The following MAP4K5 variants were observed in gnomAD, a reference collection of about 807,000 sequenced individuals.
The protein encoded by MAP4K5 is mitogen-activated protein kinase kinase kinase kinase 5.
In MAP4K5, 82 loss-of-function variants were observed where a neutral mutation model predicts 135.6. The ratio of observed to expected loss-of-function variants is 0.60; its 90% CI spans 0.51 to 0.73. MAP4K5 has a LOEUF of 0.73. Among genes scored for constraint, MAP4K5 ranks in the 30% least tolerant of loss-of-function variants. MAP4K5 has a pLI of 0.00. For synonymous variants in MAP4K5, 347 were observed against 335.0 expected, an observed-to-expected ratio of 1.04 and a Z score of -0.39; for missense variants, 907 against 1,010.9, an observed-to-expected ratio of 0.90 and a Z score of 1.39.
intron 18 of MAP4K5, among the ~76,000 whole-genome samples, 172 bp from the exon 19 acceptor site, chr14:50,444,208 G>T (rs1291503508): frequency 6.6e-6 from 1 of 152,032 alleles, no homozygotes; most frequent in East Asian, 1.9e-4. Context: ...TTCTATAGAG[G>T]TAGCATTGCA....
At chr14:50,436,310 C>T (rs189130299) in intron 26 of MAP4K5, among the ~76,000 whole-genome samples, 1 of 152,270 alleles carries the variant, frequency 6.6e-6, no homozygotes, top group African/African-American at 2.4e-5. Flanking sequence ...GAGGTAATTG[C>T]TAAGCCTTTG....
At chr14:50,521,253 T>C (rs924693620) in intron 2 of MAP4K5, among the ~76,000 whole-genome samples, 25 of 152,220 alleles carry the variant, frequency 1.6e-4, no homozygotes, top group African/African-American at 6.0e-4. Flanking sequence ...GTTTTACGTA[T>C]TGAAATCAGT....
At chr14:50,477,045 G>A (rs754104057) in intron 6 of MAP4K5, among the ~76,000 whole-genome samples, 1 of 152,130 alleles carries the variant, frequency 6.6e-6, no homozygotes, top group Non-Finnish European at 1.5e-5. Context: ...TGTGATTGGG[G>A]TTGCACTGAA....
intron 3 of MAP4K5, among the ~76,000 whole-genome samples, chr14:50,503,045 G>C (rs2037740040): frequency 6.6e-6 from 1 of 151,358 alleles, no homozygotes; most frequent in Non-Finnish European, 1.5e-5. Flanking sequence ...AGAGAAAGGA[G>C]GACTGACAAA....
At chr14:50,553,469 G>A (rs1001653291) in intron 1 of MAP4K5, among the ~76,000 whole-genome samples, 8 of 152,074 alleles carry the variant, frequency 5.3e-5, no homozygotes, top group African/African-American at 1.7e-4. Flanking sequence ...TGGCATGGAT[G>A]TGGTGAAAAG....
At chr14:50,513,693 A>G (rs1018325377) in intron 2 of MAP4K5, among the ~76,000 whole-genome samples, 3 of 152,184 alleles carry the variant, frequency 2.0e-5, no homozygotes, top group African/African-American at 7.2e-5. Flanking sequence ...TCTGTTCTTC[A>G]CATTGGGTCT....
At chr14:50,498,034 G>A (rs192161395) in intron 3 of MAP4K5, among the ~76,000 whole-genome samples, 1 of 152,160 alleles carries the variant, frequency 6.6e-6, no homozygotes, top group African/African-American at 2.4e-5. Flanking sequence ...GATTCTGATG[G>A]TAAGTTTTCC....
chr14:50,547,170 A>C (rs916163973), intron 1 of MAP4K5, among the ~76,000 whole-genome samples: 1 of 152,218 alleles, frequency 6.6e-6, no homozygotes, highest in Admixed American at 6.5e-5. Flanking sequence ...AGATTTGTCT[A>C]ATATCTCAGT....
At chr14:50,526,385 C>T (rs551134987) in intron 2 of MAP4K5, among the ~76,000 whole-genome samples, 18 of 152,262 alleles carry the variant, frequency 1.2e-4, no homozygotes, top group Non-Finnish European at 1.8e-4. Flanking sequence ...CTGCAACCTC[C>T]GACCCCCGGG....
chr14:50,520,594 A>G (rs1432449720), intron 2 of MAP4K5, among the ~76,000 whole-genome samples: 1 of 152,212 alleles, frequency 6.6e-6, no homozygotes, highest in Non-Finnish European at 1.5e-5. Flanking sequence ...AATGCTACTT[A>G]AGGCAGGTTA....
At chr14:50,529,498 T>TATTC (rs1006517934) in intron 2 of MAP4K5, among the ~76,000 whole-genome samples, 8 of 152,196 alleles carry the variant, frequency 5.3e-5, no homozygotes, top group South Asian at 2.1e-4. Context: ...CAGAGTCTGA[T>TATTC]ATTCATTCAT....
intron 1 of MAP4K5, among the ~76,000 whole-genome samples, chr14:50,544,802 T>A (rs2038607288): frequency 6.6e-6 from 1 of 151,648 alleles, no homozygotes; most frequent in Non-Finnish European, 1.5e-5. Flanking sequence ...CCAGGCATGG[T>A]GGCATGACGC....
At chr14:50,501,096 T>G (rs1172989519) in intron 3 of MAP4K5, among the ~76,000 whole-genome samples, 2 of 152,110 alleles carry the variant, frequency 1.3e-5, no homozygotes, top group Admixed American at 6.6e-5. Flanking sequence ...AAATATTATA[T>G]TTCTTAAAAG....
At chr14:50,458,338 C>T (rs954598879) in intron 13 of MAP4K5, among the ~76,000 whole-genome samples, 1 of 152,128 alleles carries the variant, frequency 6.6e-6, no homozygotes, top group African/African-American at 2.4e-5. Flanking sequence ...TATTCATGAG[C>T]ATTTAATACT....
chr14:50,444,926 T>C (rs1425141480), intron 18 of MAP4K5, 115 bp downstream of exon 18: 2 of 1,151,994 alleles, frequency 1.7e-6, no homozygotes, highest in Non-Finnish European at 2.4e-6. Flanking sequence ...ATAAAAAAGA[T>C]ATTTTTTGAA....
At chr14:50,523,680 A>C (rs933569046) in intron 2 of MAP4K5, among the ~76,000 whole-genome samples, 49 of 152,056 alleles carry the variant, frequency 3.2e-4, no homozygotes, top group African/African-American at 1.2e-3. Flanking sequence ...ATCTCCTTGT[A>C]ACGTATTATA....
chr14:50,438,643 A>G (rs1242613459), intron 23 of MAP4K5, among the ~76,000 whole-genome samples: 1 of 152,178 alleles, frequency 6.6e-6, no homozygotes, highest in Non-Finnish European at 1.5e-5. Flanking sequence ...ATGATAATAT[A>G]ACAATACAAA....
At chr14:50,445,375 CA>C (rs1273125840) in intron 17 of MAP4K5, among the ~76,000 whole-genome samples, 181 bp from the exon 18 acceptor site, 1 of 152,002 alleles carries the variant, frequency 6.6e-6, no homozygotes, top group Admixed American at 6.6e-5. Flanking sequence ...GATTTTTAAT[CA>C]GCCTTAAAAC....
At chr14:50,498,816 T>A (rs1288543664) in intron 3 of MAP4K5, among the ~76,000 whole-genome samples, 2 of 152,338 alleles carry the variant, frequency 1.3e-5, no homozygotes, top group Admixed American at 1.3e-4. Context: ...TAATTATCTT[T>A]TCATGTCTAA....
Sources: gnomAD v4.1 joint callset for allele counts (sites outside exome capture counted in the v4.1 genomes callset) on GRCh38, gnomAD v4.1.1 for gene constraint, MANE v1.5 for transcripts, NCBI Gene and HGNC (gene_info 2026-07-23, HGNC 2026-07-21) for gene names.